MUC5B: variants seen among roughly 807,000 people sequenced by gnomAD.
MUC5B encodes the protein mucin 5B, oligomeric mucus/gel-forming, also known as mucin-5B.
MUC5B carries 116 observed loss-of-function variants against 376.9 expected under a neutral mutation model. That is an observed-to-expected ratio of 0.31 (90% CI 0.26 to 0.36). The LOEUF (loss-of-function observed/expected upper bound fraction) is 0.36. MUC5B is among the 10% of genes least tolerant of loss of function. The pLI is 1.00. For missense variants in MUC5B, 7,165 were observed against 7,769.9 expected, an observed-to-expected ratio of 0.92 and a Z score of 2.93; for synonymous variants, 3,517 against 3,390.9, an observed-to-expected ratio of 1.04 and a Z score of -1.29.
intron 39 of MUC5B, 33 bp downstream of exon 39, chr11:1,256,804 C>A: frequency 6.7e-7 from 1 of 1,488,828 alleles, no homozygotes; most frequent in Non-Finnish European, 9.0e-7. Flanking sequence ...GGATACGACC[C>A]TGGGCCCGAC....
chr11:1,236,553 G>C lies in MUC5B; in HGVS notation c.3048G>C (p.Gln1016His), dbSNP rs760373779. 1.2e-6 allele frequency: 2 copies of C among 1,612,628 alleles called. No homozygotes were observed. The highest frequency in any genetic ancestry group is 3.3e-5 in the Admixed American group (2 of 60,012). The change falls in exon 24 of 49, where the codon CAG (glutamine) becomes CAC (histidine). Residue 1016 changes from glutamine (Q) to histidine (H), a missense_variant. Physicochemically the swap from Gln to His is conservative, Grantham distance 24. Transcript: ENST00000529681. ...CCAGCGTGTTCATCCGACTGCACCA[G>C]GACTACAAGGTGAGCTCGGGCCGTG... ...RKTSVFIRLH[Q>H]DYKGRVCGLC...
Position 1,258,884 on chromosome 11 carries a change from G to C in MUC5B, c.16594-58G>C. 6.5e-7 allele frequency: 1 copy of C among 1,544,196 alleles called. No individual in the cohort carries two copies. The highest frequency in any genetic ancestry group is 8.7e-7 in the Non-Finnish European group (1 of 1,144,062). ...GCAGGCCCCATTGGGTCATGGGGAG[G>C]GGTCCTGGCCCTGTTGCCCCACCAG... On this transcript the variant is annotated intron_variant, in intron 43 of 48. Coordinates refer to ENST00000529681, the MANE Select transcript of MUC5B (RefSeq NM_002458.3). The surrounding 1 kb of genome is among the most constrained non-coding windows in gnomAD (Gnocchi z 5.5).
At position 1,249,330 on chromosome 11, in the gene MUC5B, G is replaced by A. The variant is rs1371666563; in HGVS notation, c.12450G>A (p.Gly4150=). Residue 4150 remains glycine, a synonymous_variant, in exon 31 of 49, where the codon GGG becomes GGA. Transcript: ENST00000529681. ...ACCCCATGCCGGGGCCCTCTGGCGG[G>A]GACTTTGACACCTACTCCAACATCC... is the stretch of plus-strand genomic sequence containing the variant. ...YSYPMPGPSG[G]DFDTYSNIRA... 6.2e-7 allele frequency: 1 copy of A among 1,610,748 alleles called. No homozygotes were observed. The highest frequency in any genetic ancestry group is 1.1e-5 in the South Asian group (1 of 90,956).
At position 1,239,878 on chromosome 11, in the gene MUC5B, C is replaced by T. The variant is rs776755414; in HGVS notation, c.3663C>T (p.Tyr1221=). ...AGTGCGTGGCCCAGTGTGGCTGCTA[C>T]GACAAGGACGGAAACTACTATGACG... ...QMKCVAQCGC[Y]DKDGNYYDVG... is the part of the protein sequence containing the mutation. Residue 1221 remains tyrosine (Y), a synonymous_variant, in exon 28 of 49, where the codon TAC becomes TAT. Transcript: ENST00000529681. 6.8e-6 allele frequency: 11 copies of T among 1,612,948 alleles called. No homozygotes were observed. The highest frequency in any genetic ancestry group is 3.3e-4 in the Middle Eastern group (2 of 6,078).
chr11:1,260,252 G>T (rs1862962051), intron 46 of MUC5B, 99 bp from the exon 47 acceptor site: 1 of 1,405,906 alleles, frequency 7.1e-7, no homozygotes, highest in African/African-American at 1.4e-5. Context: ...CCCTGCCCGG[G>T]AGGCCATGCC....
In MUC5B at chr11:1,241,833, C is replaced by A. The variant is rs778033491; in HGVS notation, c.4953C>A (p.Pro1651=). 6.2e-7 allele frequency: 1 copy of A among 1,613,460 alleles called. No homozygotes were observed. ...CCCCGGCCAGCACCACAGCAGTCCC[C>A]ACCCTCTCAGAAGGACTGACATCCC... The part of the protein sequence containing the change: ...RAPPASTTAV[P]TLSEGLTSPR... Residue 1651 remains proline, a synonymous_variant, in exon 31 of 49, where the codon CCC becomes CCA. Transcript: ENST00000529681.
At chr11:1,256,374 T>G in intron 38 of MUC5B, 149 bp downstream of exon 38, 1 of 612,778 alleles carries the variant, frequency 1.6e-6, no homozygotes, top group Non-Finnish European at 2.9e-6. Flanking sequence ...CATCCCCTGC[T>G]GCTCCCAGAT....
At chr11:1,256,436 C>G (rs924471788) in intron 38 of MUC5B, among the ~76,000 whole-genome samples, 1 of 151,516 alleles carries the variant, frequency 6.6e-6, no homozygotes, top group Non-Finnish European at 1.5e-5. Flanking sequence ...CGCCTGGCCC[C>G]GCATCCCCAC....
Position 1,243,147 on chromosome 11 carries a change from G to A in MUC5B, c.6267G>A (p.Thr2089=), listed in dbSNP as rs1452671620. 3.7e-6 allele frequency: 6 copies of A among 1,608,972 alleles called. No homozygotes were observed. Among genetic ancestry groups the A allele is most frequent in the South Asian group, 2.2e-5 (2 of 90,854 alleles). ...CCACACCCACAACCAGAGGCTCCACGGTGACCCCCTCCTCCATCCCGGGGA... is the reference window on the plus strand; with the variant it reads ...CCACACCCACAACCAGAGGCTCCACAGTGACCCCCTCCTCCATCCCGGGGA... ...TTTTPTTRGS[T]VTPSSIPGTT... Residue 2089 remains threonine, a synonymous_variant, in exon 31 of 49, where the codon ACG becomes ACA. Transcript: ENST00000529681.
Position 1,235,216 on chromosome 11 carries a change from T to G in MUC5B, c.2762T>G (p.Leu921Trp). Residue 921 changes from leucine to tryptophan, a missense_variant, in exon 22 of 49, where the codon TTG becomes TGG. Coordinates refer to ENST00000529681, the MANE Select transcript of MUC5B (RefSeq NM_002458.3). ...YSFEGSCEYILAQDYCGDNTT... is the reference protein window; with the variant it reads ...YSFEGSCEYIWAQDYCGDNTT... ...TTTGAAGGCAGCTGCGAGTACATCT[T>G]GGCCCAGGTACGCCGCCCCCTCGCC... 1 of 1,612,676 alleles carries G rather than the reference T, an allele frequency of 6.2e-7. No homozygotes were observed. Among genetic ancestry groups the G allele is most frequent in the Non-Finnish European group, 8.5e-7 (1 of 1,179,450 alleles).
At chr11:1,225,113 C>G (rs546275553) in intron 1 of MUC5B, among the ~76,000 whole-genome samples, 1 of 152,212 alleles carries the variant, frequency 6.6e-6, no homozygotes. Context: ...ACAGCTTGCG[C>G]GGCCCAGAGT....
intron 12 of MUC5B, 101 bp downstream of exon 12, chr11:1,230,701 T>TGCC: frequency 9.3e-7 from 1 of 1,080,360 alleles, no homozygotes; most frequent in Non-Finnish European, 1.3e-6. Flanking sequence ...CGAGGCCAGG[T>TGCC]CCCCCCTCCA....
At position 1,225,902 on chromosome 11, in the gene MUC5B, C is replaced by T. The variant is rs1023327041; in HGVS notation, c.127+165C>T. The stretch of plus-strand genomic sequence containing the variant: ...CCAGCACCCGAGGCGGAGCTTGGTG[C>T]TCCAAAGAAGAGGAAAGTGCAGAGC... On this transcript the variant is annotated intron_variant, in intron 2 of 48. Transcript: ENST00000529681. 9.2e-5 allele frequency among the ~76,000 whole-genome samples: 14 copies of T among 152,230 alleles called. 1 individual carries two copies. The highest frequency in any genetic ancestry group is 8.5e-4 in the Admixed American group (13 of 15,288).
At position 1,244,424 on chromosome 11, in the gene MUC5B, G is replaced by A; in HGVS notation, c.7544G>A (p.Ser2515Asn). 2.5e-6 allele frequency: 4 copies of A among 1,603,150 alleles called. No homozygotes were observed. The highest frequency in any genetic ancestry group is 3.4e-6 in the Non-Finnish European group (4 of 1,173,530). Residue 2515 changes from serine to asparagine, a missense_variant, in exon 31 of 49, where the codon AGT becomes AAT. Ser to Asn is a conservative substitution (Grantham distance 46). This residue lies in a region of MUC5B where 194 missense variants were observed against 268.5 expected (regional missense o/e 0.72). Transcript: ENST00000529681. ...AGCTCCAAAGCCACTCCCTTCTCCA[G>A]TCCAGGGACTGCAACCGCCCTTCCA... Reference protein sequence around the residue: ...VTSSKATPFSSPGTATALPAL... With the variant: ...VTSSKATPFSNPGTATALPAL...
rs372137722 is a variant in MUC5B at position 1,243,479 on chromosome 11, G to A, written c.6599G>A (p.Arg2200Gln). The change falls in exon 31 of 49, where the codon CGA (arginine) becomes CAA (glutamine). Residue 2200 changes from arginine (R) to glutamine (Q), a missense_variant. By Grantham distance (43) the Arg-to-Gln change is conservative (BLOSUM62 1). Transcript: ENST00000529681. ...AACACCATGGCCACCACACACGGGC[G>A]ATCCCTGCCCCCCAGCAGTCCCCAC... is the stretch of plus-strand genomic sequence containing the variant. ...VPNTMATTHG[R>Q]SLPPSSPHTV... 2.4e-4 allele frequency: 368 copies of A among 1,546,240 alleles called. 11 individuals carry two copies. In the African/African-American group the frequency reaches 4.6e-3, roughly 19 times the overall value.
rs376322416 is a variant in MUC5B at position 1,258,178 on chromosome 11, C to T, written c.16530C>T (p.Gly5510=). 39 of 1,598,982 alleles carry T rather than the reference C, an allele frequency of 2.4e-5. No individual in the cohort carries two copies. Among genetic ancestry groups the T allele is most frequent in the East Asian group, 4.5e-5 (2 of 44,370 alleles). The change falls in exon 42 of 49, where the codon GGC becomes GGT. Residue 5510 remains glycine, a synonymous_variant. Transcript: ENST00000529681. This position sits in a 1 kb window ranked among gnomAD's most constrained non-coding sequence, Gnocchi z 5.5. ...AGTCCATCTGCACCCAGGAGGAGGG[C>T]GACTGCTGTCCCACCTTCCGCTGCA... ...GQESICTQEE[G]DCCPTFRCRP...
At position 1,226,228 on chromosome 11, in the gene MUC5B, C is replaced by T. The variant is rs2075853; in HGVS notation, c.151C>T (p.Arg51Trp). ...AGGTGCCCCGACGTCCTCGCCCACC[C>T]GGCGCGTGAGCTTTGTTCCACCCGT... ...DGGAPTSSPT[R>W]RVSFVPPVTV... is the part of the protein sequence containing the mutation. The change falls in exon 3 of 49, where the codon CGG (arginine) becomes TGG (tryptophan). Residue 51 changes from arginine to tryptophan, a missense_variant. By Grantham distance (101) the Arg-to-Trp change is moderately radical (BLOSUM62 -3). This residue lies in a region of MUC5B where 640 missense variants were observed against 733.0 expected (regional missense o/e 0.87). Transcript: ENST00000529681. 0.094 allele frequency: 146,656 copies of T among 1,554,864 alleles called. 9,376 individuals are homozygous for T. The highest frequency in any genetic ancestry group is 0.38 in the East Asian group (15,518 of 41,088).
In MUC5B at chr11:1,244,622, C is replaced by T. The variant is rs1346492506; in HGVS notation, c.7742C>T (p.Thr2581Ile). The change falls in exon 31 of 49, where the codon ACC becomes ATC. Residue 2581 changes from threonine (T) to isoleucine (I), a missense_variant. This residue lies in a region of MUC5B where 194 missense variants were observed against 268.5 expected (regional missense o/e 0.72). Coordinates refer to ENST00000529681, the MANE Select transcript of MUC5B (RefSeq NM_002458.3). ...PETVHTSTVL[T>I]TTATTTGATG... Reference sequence around the variant, plus strand: ...ACTGTCCACACCTCCACAGTGCTTACCACCACGGCCACCACAACCGGGGCC... The same window carrying T: ...ACTGTCCACACCTCCACAGTGCTTATCACCACGGCCACCACAACCGGGGCC... 6.2e-7 allele frequency: 1 copy of T among 1,613,670 alleles called. No homozygotes were observed. Among genetic ancestry groups the T allele is most frequent in the East Asian group, 2.2e-5 (1 of 44,864 alleles).
rs754603108 is a variant in MUC5B, at chr11:1,226,229, G to A, written c.152G>A (p.Arg51Gln). 3.5e-5 allele frequency: 54 copies of A among 1,555,464 alleles called. No homozygotes were observed. Among genetic ancestry groups the A allele is most frequent in the South Asian group, 2.8e-4 (24 of 84,304 alleles). ...GGTGCCCCGACGTCCTCGCCCACCCGGCGCGTGAGCTTTGTTCCACCCGTC... is the reference window on the plus strand; with the variant it reads ...GGTGCCCCGACGTCCTCGCCCACCCAGCGCGTGAGCTTTGTTCCACCCGTC... ...DGGAPTSSPT[R>Q]RVSFVPPVTV... The change falls in exon 3 of 49, where the codon CGG becomes CAG. Residue 51 changes from arginine to glutamine, a missense_variant. By Grantham distance (43) the Arg-to-Gln change is conservative (BLOSUM62 1). Coordinates refer to ENST00000529681, the MANE Select transcript of MUC5B (RefSeq NM_002458.3).
Sources: gnomAD v4.1 joint callset for allele counts (sites outside exome capture counted in the v4.1 genomes callset) on GRCh38, gnomAD v4.1.1 for gene constraint, gnomAD v4.1.1 regional missense constraint, Gnocchi (gnomAD v3.1) non-coding constraint, MANE v1.5 for transcripts, NCBI Gene and HGNC (gene_info 2026-07-23, HGNC 2026-07-21) for gene names.